Variants in HMCN2 observed in about 807,000 individuals in gnomAD.
The protein encoded by HMCN2 is hemicentin-2.
Under a neutral mutation model 377.5 loss-of-function variants are expected in HMCN2, and 325 were observed. That is an observed-to-expected ratio of 0.86 (90% CI 0.79 to 0.94). The LOEUF is 0.94. HMCN2 is among the 40% of genes least tolerant of loss of function. The pLI is 0.00. For missense variants in HMCN2, 4,543 were observed against 4,725.3 expected (o/e 0.96, Z 1.13); for synonymous variants, 2,007 against 2,046.8 (o/e 0.98, Z 0.53).
At position 130,265,919 on chromosome 9, in the gene HMCN2, T is replaced by C. The variant is rs1554918677; in HGVS notation, c.41T>C (p.Val14Ala). 1 of 381,808 alleles carries C rather than the reference T, an allele frequency of 2.6e-6. No homozygotes were observed. Among genetic ancestry groups the C allele is most frequent in the East Asian group, 1.1e-4 (1 of 9,394 alleles). The allele number at this position is 381,808 out of a possible 1,614,324, so 23.7% of individuals were successfully genotyped here. The change falls in exon 1 of 98, where the codon GTC (valine) becomes GCC (alanine). Residue 14 changes from valine (V) to alanine (A), a missense_variant. By Grantham distance (64) the Val-to-Ala change is moderately conservative (BLOSUM62 0). Coordinates refer to ENST00000683500, the MANE Select transcript of HMCN2 (RefSeq NM_001291815.2). ...GAPLLRLLTAVSAAVAVAVAG... is the reference protein window; with the variant it reads ...GAPLLRLLTAASAAVAVAVAG... ...CCGCTCCTGCGGCTGCTGACCGCGG[T>C]CTCTGCGGCAGTGGCAGTGGCAGTG...
At position 130,268,573 on chromosome 9, in the gene HMCN2, G is replaced by A. The variant is rs144986596; in HGVS notation, c.259+2436G>A. On this transcript the variant is annotated intron_variant, in intron 1 of 97. Transcript: ENST00000683500. ...GCCATGGGCCAGTAAGCAAGGAAGG[G>A]GGCTAAGGAAAGACCCCCCCCTGAG... is the stretch of plus-strand genomic sequence containing the variant. 3.7e-3 allele frequency among the ~76,000 whole-genome samples: 560 copies of A among 149,490 alleles called. 22 individuals are homozygous for A. The highest frequency in any genetic ancestry group is 0.012 in the African/African-American group (515 of 41,370).
chr9:130,294,644 C>T (rs1365975989), intron 4 of HMCN2, among the ~76,000 whole-genome samples: 2 of 152,202 alleles, frequency 1.3e-5, no homozygotes, highest in African/African-American at 4.8e-5. Context: ...TCCCTCTGTG[C>T]TGAGTCCTCC....
At chr9:130,301,193 T>C (rs1836486318) in intron 8 of HMCN2, among the ~76,000 whole-genome samples, 1 of 152,222 alleles carries the variant, frequency 6.6e-6, no homozygotes, top group Non-Finnish European at 1.5e-5. Flanking sequence ...AGACCTCTTC[T>C]TTCCAGCCTC....
At chr9:130,291,812 C>G (rs1554930147) in intron 4 of HMCN2, among the ~76,000 whole-genome samples, 1 of 152,218 alleles carries the variant, frequency 6.6e-6, no homozygotes, top group Non-Finnish European at 1.5e-5. Flanking sequence ...ATTTCCCTGT[C>G]TTCAAACTGT....
chr9:130,376,254 C>G (rs2131615854), intron 51 of HMCN2, among the ~76,000 whole-genome samples: 1 of 152,310 alleles, frequency 6.6e-6, no homozygotes, highest in African/African-American at 2.4e-5. Context: ...AACAGAGGCT[C>G]TGCAGATTGA....
chr9:130,380,351 G>A (rs970762836), intron 54 of HMCN2, among the ~76,000 whole-genome samples: 45 of 152,328 alleles, frequency 3.0e-4, no homozygotes, highest in Admixed American at 2.7e-3. Flanking sequence ...TGAGGGAAGC[G>A]TGGGTGGTCT....
chr9:130,308,102 G>A lies in HMCN2; in HGVS notation c.2200+536G>A, dbSNP rs144542653. Among the ~76,000 whole-genome samples the A allele has an allele frequency of 1.1e-4, 16 of 152,086 alleles. No homozygotes were observed. The highest frequency in any genetic ancestry group is 3.6e-4 in the African/African-American group (15 of 41,476). Reference sequence around the variant, plus strand: ...CTCTGGAGTAGCTGGAATTATAGGCGTGTACCACCAGGCCTGGCTCATTTT... The same window carrying A: ...CTCTGGAGTAGCTGGAATTATAGGCATGTACCACCAGGCCTGGCTCATTTT... On this transcript the variant is annotated intron_variant, in intron 14 of 97. Transcript: ENST00000683500. This position sits in a 1 kb window ranked among gnomAD's most constrained non-coding sequence, Gnocchi z 4.1.
intron 18 of HMCN2, among the ~76,000 whole-genome samples, chr9:130,321,465 G>T (rs1173340535): frequency 6.6e-6 from 1 of 152,056 alleles, no homozygotes; most frequent in Non-Finnish European, 1.5e-5. Context: ...CTGCAAAGAG[G>T]TGCCTTCCCA....
At chr9:130,301,172 A>G (rs1460632362) in intron 8 of HMCN2, among the ~76,000 whole-genome samples, 1 of 152,230 alleles carries the variant, frequency 6.6e-6, no homozygotes, top group Non-Finnish European at 1.5e-5. Context: ...AGGGCTGGGC[A>G]GGAGAGCTGG....
intron 1 of HMCN2, among the ~76,000 whole-genome samples, chr9:130,279,137 G>C (rs1336029442): frequency 6.6e-6 from 1 of 151,332 alleles, no homozygotes; most frequent in Non-Finnish European, 1.5e-5. Flanking sequence ...CTGACCTCGT[G>C]ATCCACCCAC....
In HMCN2 at chr9:130,362,006, A is replaced by G. The variant is rs961087354; in HGVS notation, c.5951-2A>G. 2.9e-5 allele frequency: 29 copies of G among 985,902 alleles called. No individual in the cohort carries two copies. Among genetic ancestry groups the G allele is most frequent in the Admixed American group, 6.1e-5 (1 of 16,270 alleles). The allele number at this position is 985,902 out of a possible 1,614,324, so 61.1% of individuals were successfully genotyped here. On this transcript the variant is annotated splice_acceptor_variant, in intron 38 of 97. Coordinates refer to ENST00000683500, the MANE Select transcript of HMCN2 (RefSeq NM_001291815.2). LOFTEE classifies it high-confidence loss of function. Reference sequence around the variant, plus strand: ...GTACCCCATGTCACCCCTGCCCTGCAGTGCCCCCTCGAATCACACTGCCAC... The same window carrying G: ...GTACCCCATGTCACCCCTGCCCTGCGGTGCCCCCTCGAATCACACTGCCAC...
intron 21 of HMCN2, among the ~76,000 whole-genome samples, 152 bp from the exon 22 acceptor site, chr9:130,327,158 C>G (rs1042497236): frequency 1.3e-5 from 2 of 152,114 alleles, no homozygotes; most frequent in East Asian, 3.9e-4. Flanking sequence ...GACTCCCCCC[C>G]TTCTGACAGC....
intron 60 of HMCN2, 64 bp downstream of exon 60, chr9:130,385,826 C>A: frequency 1.7e-6 from 2 of 1,164,316 alleles, no homozygotes; most frequent in Non-Finnish European, 1.1e-6. Context: ...CCAGCCCTGG[C>A]GAGCTGCGGG....
At chr9:130,270,305 TTC>T (rs145100684) in intron 1 of HMCN2, among the ~76,000 whole-genome samples, 55,241 of 141,972 alleles carry the variant, frequency 0.39, 14,410 homozygotes, top group East Asian at 0.91. Context: ...GTTTTTTTTT[TTC>T]CCTATCACAA....
chr9:130,307,107 C>T (rs1238533814), intron 13 of HMCN2, among the ~76,000 whole-genome samples, 169 bp downstream of exon 13: 2 of 152,184 alleles, frequency 1.3e-5, no homozygotes, highest in African/African-American at 4.8e-5. Context: ...GGAGAAGGCA[C>T]ACACAGGCCA....
At chr9:130,344,425 C>G (rs1839230466) in intron 25 of HMCN2, among the ~76,000 whole-genome samples, 1 of 145,742 alleles carries the variant, frequency 6.9e-6, no homozygotes, top group South Asian at 2.2e-4. Flanking sequence ...TGTATGTGTT[C>G]TGTGTGTGTG....
chr9:130,375,016 A>C (rs899128637), intron 49 of HMCN2, among the ~76,000 whole-genome samples: 5 of 152,190 alleles, frequency 3.3e-5, no homozygotes, highest in African/African-American at 1.2e-4. Context: ...ACAACTAGGC[A>C]TCTCTCCATC....
rs372356874 is a variant in HMCN2 at position 130,431,676 on chromosome 9, A to G, written c.14767+190A>G. On this transcript the variant is annotated intron_variant, in intron 96 of 97. Coordinates refer to ENST00000683500, the MANE Select transcript of HMCN2 (RefSeq NM_001291815.2). ...GGCTCCCACAGCCACGCCAGGGCCC[A>G]TGCTCCAAACAGGAGCTCTGAGATC... Among the ~76,000 whole-genome samples the G allele has an allele frequency of 3.3e-5, 5 of 152,346 alleles. 1 individual carries two copies. The highest frequency in any genetic ancestry group is 3.9e-4 in the East Asian group (2 of 5,182).
intron 29 of HMCN2, among the ~76,000 whole-genome samples, chr9:130,350,669 G>A (rs1482242418): frequency 6.6e-6 from 1 of 151,914 alleles, no homozygotes; most frequent in Non-Finnish European, 1.5e-5. Flanking sequence ...GGCAGATCAC[G>A]AGGTCAGGAG....
Sources: allele counts gnomAD v4.1 joint callset (sites outside exome capture counted in the v4.1 genomes callset), GRCh38; gene constraint gnomAD v4.1.1; non-coding constraint Gnocchi (gnomAD v3.1); transcripts MANE v1.5; gene names NCBI Gene and HGNC (gene_info 2026-07-23, HGNC 2026-07-21).